Variants in SOD2 observed in about 807,000 individuals in gnomAD.
The protein encoded by SOD2 is superoxide dismutase [Mn], mitochondrial.
In SOD2, 11 loss-of-function variants were observed where a neutral mutation model predicts 27.0. The ratio of observed to expected loss-of-function variants is 0.41; its 90% CI spans 0.26 to 0.67. SOD2 has a LOEUF of 0.67. Ranked by LOEUF, SOD2 falls within the 30% of genes least tolerant of loss-of-function variation. The probability of loss-of-function intolerance (pLI) is 0.34; values close to 1 mark genes in which losing one functional copy is unlikely to be tolerated. For synonymous variants in SOD2, 105 were observed against 103.0 expected, an observed-to-expected ratio of 1.02 and a Z score of -0.12; for missense variants, 250 against 274.5, an observed-to-expected ratio of 0.91 and a Z score of 0.63.
chr6:159,711,025 C>T (rs1251689344), intron 1 of SOD2, among the ~76,000 whole-genome samples: 5 of 81,844 alleles, frequency 6.1e-5, no homozygotes, highest in African/African-American at 2.4e-4. Context: ...ACCTCCATAA[C>T]CACCACTCAA....
intron 1 of SOD2, chr6:159,755,674 T>C: frequency 2.1e-6 from 3 of 1,399,004 alleles, no homozygotes; most frequent in Non-Finnish European, 2.8e-6. Context: ...GTCCAGAAAA[T>C]TAATGCATAC....
chr6:159,697,596 G>T (rs1031455403), upstream of SOD2, among the ~76,000 whole-genome samples: 12 of 152,160 alleles, frequency 7.9e-5, no homozygotes, highest in Admixed American at 7.2e-4. Context: ...TTAAACAAAG[G>T]GATAAAGTGG....
intron 1 of SOD2, among the ~76,000 whole-genome samples, chr6:159,717,161 G>A (rs549000897): frequency 8.3e-4 from 126 of 152,244 alleles, no homozygotes; most frequent in Non-Finnish European, 1.4e-3. Flanking sequence ...GCCTGTTTCC[G>A]AGAATAATTG....
chr6:159,671,284 G>A lies in SOD2; in HGVS notation c.*11209C>T, dbSNP rs911006283. ...ACAGAGTTTGAGATCTGAGAACGGA[G>A]AGACTGCCTCCTCAAGTGAGTCCCT... On this transcript the variant is annotated 3_prime_UTR_variant, in exon 5 of 5. Coordinates refer to ENST00000538183, the MANE Select transcript of SOD2 (RefSeq NM_000636.4). The A allele has an allele frequency of 1.3e-5, 2 of 152,390 alleles. No individual in the cohort carries two copies. The highest frequency in any genetic ancestry group is 2.4e-5 in the African/African-American group (1 of 41,454). The allele number at this position is 152,390 out of a possible 1,614,324, so 9.4% of individuals were successfully genotyped here.
Position 159,676,853 on chromosome 6 carries a change from G to C in SOD2, c.*5640C>G, listed in dbSNP as rs1779791662. On this transcript the variant is annotated 3_prime_UTR_variant, in exon 5 of 5. Coordinates refer to ENST00000538183, the MANE Select transcript of SOD2 (RefSeq NM_000636.4). ...AGGCATCTTGACCAATATCCCACAG[G>C]TGCTCTGGTAAAATCTCCAAGACCA... is the stretch of plus-strand genomic sequence containing the variant. The C allele has an allele frequency of 1.3e-5, 2 of 152,072 alleles. No homozygotes were observed. The highest frequency in any genetic ancestry group is 2.9e-5 in the Non-Finnish European group (2 of 68,012). The allele number at this position is 152,072 out of a possible 1,614,324, so 9.4% of individuals were successfully genotyped here.
intron 1 of SOD2, chr6:159,742,167 C>A: frequency 6.4e-7 from 1 of 1,570,922 alleles, no homozygotes; most frequent in Non-Finnish European, 8.7e-7. Context: ...GTTTTAGCTT[C>A]CTAAAGACTG....
chr6:159,757,905 TTG>T (rs1780048188), intron 1 of SOD2, among the ~76,000 whole-genome samples: 1 of 152,202 alleles, frequency 6.6e-6, no homozygotes, highest in Non-Finnish European at 1.5e-5. Flanking sequence ...AATCAAGAGT[TTG>T]TGATAGGAAA....
chr6:159,734,731 T>C (rs1203631015), intron 1 of SOD2, among the ~76,000 whole-genome samples: 1 of 152,224 alleles, frequency 6.6e-6, no homozygotes, highest in African/African-American at 2.4e-5. Context: ...AAATGCAATT[T>C]AGATGCTTTT....
intron 1 of SOD2, chr6:159,755,845 G>A (rs1202809292): frequency 3.3e-6 from 2 of 603,072 alleles, no homozygotes; most frequent in Non-Finnish European, 4.5e-6. Context: ...TTTGAATGTT[G>A]CTAAAAGGAC....
At chr6:159,735,904 C>CGTAG (rs1391391052) in intron 1 of SOD2, among the ~76,000 whole-genome samples, 2 of 152,068 alleles carry the variant, frequency 1.3e-5, no homozygotes, top group Non-Finnish European at 2.9e-5. Flanking sequence ...TAGCAACATG[C>CGTAG]GTAGGATACT....
chr6:159,755,460 ACTCT>A, intron 1 of SOD2: 1 of 1,613,680 alleles, frequency 6.2e-7, no homozygotes, highest in Non-Finnish European at 8.5e-7. Flanking sequence ...GGCAGTGAAA[ACTCT>A]CTCACACACC....
chr6:159,758,947 A>G (rs1230951984), intron 1 of SOD2, among the ~76,000 whole-genome samples: 2 of 152,114 alleles, frequency 1.3e-5, no homozygotes, highest in African/African-American at 2.4e-5. Flanking sequence ...CACTGCTGTA[A>G]TGATGGCTCC....
intron 2 of SOD2, chr6:159,692,451 G>A (rs1479417342): frequency 7.1e-7 from 1 of 1,412,968 alleles, no homozygotes; most frequent in South Asian, 1.6e-5. Flanking sequence ...TCCCTGAGAT[G>A]ACAGAAGTGT....
intron 1 of SOD2, chr6:159,743,548 T>G: frequency 1.0e-6 from 1 of 992,630 alleles, no homozygotes; most frequent in Non-Finnish European, 1.4e-6. Flanking sequence ...ATAAAAGTAG[T>G]TAGGATGGAA....
chr6:159,686,330 A>G (rs1780184944), intron 3 of SOD2, among the ~76,000 whole-genome samples: 1 of 152,176 alleles, frequency 6.6e-6, no homozygotes, highest in Non-Finnish European at 1.5e-5. Flanking sequence ...ATTAACCGAT[A>G]GTCTAGAAGA....
rs1464575105 is a variant in SOD2 at position 159,724,305 on chromosome 6, A to T, written c.-116+2824T>A. Reference sequence around the variant, plus strand: ...CCCGGCCCTTTTCTGAACTTCTTTGATCTTGTGTTTGTATCTCATTCTCTC... The same window carrying T: ...CCCGGCCCTTTTCTGAACTTCTTTGTTCTTGTGTTTGTATCTCATTCTCTC... On this transcript the variant is annotated intron_variant, in intron 1 of 2. Coordinates refer to the SOD2 transcript ENST00000401980. Among the ~76,000 whole-genome samples the T allele has an allele frequency of 2.0e-5, 3 of 152,140 alleles. No homozygotes were observed. In the East Asian group the frequency reaches 5.8e-4, roughly 29 times the overall value.
upstream of SOD2, chr6:159,727,622 C>A (rs1381635593): frequency 3.0e-6 from 3 of 985,884 alleles, no homozygotes; most frequent in African/African-American, 5.3e-5. Flanking sequence ...GCGCGGTGGC[C>A]CGGGGGGCCC....
chr6:159,709,944 A>T (rs1168433284), intron 1 of SOD2, among the ~76,000 whole-genome samples: 1 of 152,092 alleles, frequency 6.6e-6, no homozygotes, highest in African/African-American at 2.4e-5. Context: ...GTCATAAAAA[A>T]TGATGAGTTC....
intron 1 of SOD2, among the ~76,000 whole-genome samples, chr6:159,757,444 G>A (rs1224560117): frequency 7.0e-6 from 1 of 142,518 alleles, no homozygotes; most frequent in African/African-American, 2.6e-5. Context: ...CGAGAGTCTC[G>A]CTCTGCCACC....
Sources: gnomAD v4.1 joint callset for allele counts (sites outside exome capture counted in the v4.1 genomes callset) on GRCh38, gnomAD v4.1.1 for gene constraint, MANE v1.5 for transcripts, NCBI Gene and HGNC (gene_info 2026-07-23, HGNC 2026-07-21) for gene names.